PCLO: variants seen among roughly 807,000 people sequenced by gnomAD.
PCLO encodes the protein protein piccolo.
A neutral mutation model predicts 427.5 loss-of-function variants in PCLO; 82 were observed. The observed-to-expected ratio is 0.19, with a 90% CI of 0.16 to 0.23. The LOEUF (loss-of-function observed/expected upper bound fraction) is 0.23, where lower values mean the gene tolerates loss of function less well. PCLO is among the 10% of genes least tolerant of loss of function. The probability of loss-of-function intolerance (pLI) is 1.00; values close to 1 mark genes in which losing one functional copy is unlikely to be tolerated. For missense variants in PCLO, 6,239 were observed against 6,115.9 expected, an observed-to-expected ratio of 1.02 and a Z score of -0.67; for synonymous variants, 2,357 against 2,155.4, an observed-to-expected ratio of 1.09 and a Z score of -2.59.
At position 82,757,843 on chromosome 7, in the gene PCLO, A is replaced by C. The variant is rs1790349899; in HGVS notation, c.*732T>G. The C allele has an allele frequency of 6.6e-6, 1 of 151,950 alleles. No homozygotes were observed. Among genetic ancestry groups the C allele is most frequent in the Non-Finnish European group, 1.5e-5 (1 of 67,916 alleles). 9.4% of individuals were successfully genotyped at this position (151,950 alleles called of 1,614,324 possible). A position where few individuals can be genotyped will look rare whatever the true frequency, so the allele number is the denominator to read the frequency against. The stretch of plus-strand genomic sequence containing the variant: ...CCAGTCATAGTTTTATTTCTAGATA[A>C]ATTCAATTTTATTTCTACTGAGTAT... On this transcript the variant is annotated 3_prime_UTR_variant, in exon 25 of 25. Transcript: ENST00000333891.
intron 2 of PCLO, among the ~76,000 whole-genome samples, chr7:83,142,032 C>G (rs147167224): frequency 1.3e-5 from 2 of 150,822 alleles, no homozygotes; most frequent in Non-Finnish European, 3.0e-5. Flanking sequence ...GGAAGCCCTG[C>G]CCCCCTCCCC....
chr7:83,067,518 T>C (rs796483779), intron 3 of PCLO, among the ~76,000 whole-genome samples: 1 of 152,156 alleles, frequency 6.6e-6, no homozygotes, highest in Non-Finnish European at 1.5e-5. Context: ...AAGAGTACAG[T>C]AGCAAGAGGG....
chr7:82,957,374 G>A (rs1795550950), intron 4 of PCLO, among the ~76,000 whole-genome samples: 1 of 152,120 alleles, frequency 6.6e-6, no homozygotes, highest in African/African-American at 2.4e-5. Context: ...CGGGCTTTGT[G>A]CCTGGCTGCA....
chr7:83,096,849 A>AAAATATATTATATAATATAT (rs1790562258), intron 3 of PCLO, among the ~76,000 whole-genome samples: 5 of 51,804 alleles, frequency 9.7e-5, no homozygotes, highest in East Asian at 1.0e-3. Flanking sequence ...TATAATATAA[A>AAAATATATTATATAATATAT]TATATATAAA....
chr7:82,982,946 T>G (rs1796177587), intron 3 of PCLO, among the ~76,000 whole-genome samples: 1 of 151,742 alleles, frequency 6.6e-6, no homozygotes, highest in African/African-American at 2.4e-5. Context: ...TATAAAGTTT[T>G]TATCTATATT....
chr7:83,124,828 C>T (rs1375412091), intron 3 of PCLO, among the ~76,000 whole-genome samples: 5 of 152,154 alleles, frequency 3.3e-5, no homozygotes, highest in South Asian at 2.1e-4. Context: ...TGTACTGCTG[C>T]GATCTCGGCT....
At chr7:82,932,247 C>T (rs1400838838) in intron 6 of PCLO, among the ~76,000 whole-genome samples, 1 of 152,018 alleles carries the variant, frequency 6.6e-6, no homozygotes, top group Non-Finnish European at 1.5e-5. Context: ...TACATCCTGG[C>T]AAGATGCAGA....
chr7:82,915,871 C>T lies in PCLO; in HGVS notation c.12115G>A (p.Asp4039Asn), dbSNP rs770814417. The change falls in exon 7 of 25, where the codon GAT (aspartate) becomes AAT (asparagine). Residue 4039 changes from aspartate to asparagine, a missense_variant. By Grantham distance (23) the Asp-to-Asn change is conservative (BLOSUM62 1). Transcript: ENST00000333891. ...ISADSFYADI[D>N]HHTPRNYVLI... ...ACATAATTTCGTGGAGTATGGTGAT[C>T]AATATCTGCATAGAAAGAATCTGCA... The T allele has an allele frequency of 7.4e-6, 12 of 1,613,542 alleles. No individual in the cohort carries two copies. The Middle Eastern group carries it at 5.0e-4, about 67-fold the overall frequency.
chr7:82,991,501 TAA>T (rs1796376152), intron 3 of PCLO, among the ~76,000 whole-genome samples: 1 of 152,120 alleles, frequency 6.6e-6, no homozygotes, highest in African/African-American at 2.4e-5. Flanking sequence ...ATGAACCCTA[TAA>T]ATGAAAGTCT....
chr7:83,153,572 C>T (rs1249964897), intron 2 of PCLO, among the ~76,000 whole-genome samples: 1 of 152,166 alleles, frequency 6.6e-6, no homozygotes, highest in Admixed American at 6.5e-5. Context: ...TGCTGTGTTA[C>T]TTCCTGGGCT....
At position 82,796,784 on chromosome 7, in the gene PCLO, A is replaced by G. The variant is rs1306510859; in HGVS notation, c.15007+4734T>C. 1.1e-4 allele frequency among the ~76,000 whole-genome samples: 16 copies of G among 148,340 alleles called. No homozygotes were observed. The Admixed American group carries it at 1.1e-3, about 10-fold the overall frequency. On this transcript the variant is annotated intron_variant, in intron 22 of 24. Coordinates refer to ENST00000333891, the MANE Select transcript of PCLO (RefSeq NM_033026.6). Reference sequence around the variant, plus strand: ...CACACCTGGTTCAGCAAGCATGCTTACTGGCTGCTGATGAAATAGAACCAG... The same window carrying G: ...CACACCTGGTTCAGCAAGCATGCTTGCTGGCTGCTGATGAAATAGAACCAG...
intron 3 of PCLO, among the ~76,000 whole-genome samples, chr7:83,087,413 A>T (rs1449673284): frequency 6.6e-6 from 1 of 151,986 alleles, no homozygotes. Context: ...TATGCAATTC[A>T]TCTGTGTAAC....
intron 9 of PCLO, among the ~76,000 whole-genome samples, chr7:82,884,721 T>C (rs1793589788): frequency 6.6e-6 from 1 of 151,974 alleles, no homozygotes; most frequent in Non-Finnish European, 1.5e-5. Flanking sequence ...AATTGGAAAA[T>C]AGGGTCACTT....
chr7:82,846,204 G>C (rs1412015798), intron 12 of PCLO, among the ~76,000 whole-genome samples: 1 of 152,036 alleles, frequency 6.6e-6, no homozygotes, highest in African/African-American at 2.4e-5. Context: ...ATTCTAAAAA[G>C]AATCAAGTAC....
At position 82,764,117 on chromosome 7, in the gene PCLO, T is replaced by C. The variant is rs145221303; in HGVS notation, c.15008-2624A>G. Among the ~76,000 whole-genome samples the C allele has an allele frequency of 6.7e-3, 1,018 of 151,962 alleles. 7 individuals carry two copies. Among genetic ancestry groups the C allele is most frequent in the Non-Finnish European group, 0.012 (801 of 67,852 alleles). On this transcript the variant is annotated intron_variant, in intron 22 of 24. Transcript: ENST00000333891. ...TGGAAATGTCATATTTATGACAAAG[T>C]ATAAAGTATGAAACTAAAAATTAAT...
Position 82,947,918 on chromosome 7 carries a change from G to T in PCLO, c.11112+1558C>A, listed in dbSNP as rs530432407. 1.2e-4 allele frequency among the ~76,000 whole-genome samples: 18 copies of T among 152,182 alleles called. No homozygotes were observed. The East Asian group carries it at 2.5e-3, about 21-fold the overall frequency. ...GACTCTTTTTTAGCTGAGCTCATTT[G>T]AATTAAGGGTACAGGGATACATATT... is the stretch of plus-strand genomic sequence containing the variant. On this transcript the variant is annotated intron_variant, in intron 6 of 24. Coordinates refer to ENST00000333891, the MANE Select transcript of PCLO (RefSeq NM_033026.6).
In PCLO at chr7:82,953,944, C is replaced by T. The variant is rs370714669; in HGVS notation, c.7009G>A (p.Glu2337Lys). The T allele has an allele frequency of 1.5e-5, 25 of 1,613,726 alleles. No individual in the cohort carries two copies. Among genetic ancestry groups the T allele is most frequent in the Non-Finnish European group, 1.7e-5 (20 of 1,179,844 alleles). The stretch of plus-strand genomic sequence containing the variant: ...GAAGGTGGGTGATCAAACACGGTTT[C>T]GGATAAGCTACTTTTTGTTCGTTCG... Reference protein sequence around the residue: ...EAERTKSSLSETVFDHPPSSV... With the variant: ...EAERTKSSLSKTVFDHPPSSV... Residue 2337 changes from glutamate (E) to lysine (K), a missense_variant, in exon 5 of 25, where the codon GAA becomes AAA. Transcript: ENST00000333891.
chr7:82,959,655 T>A (rs900403431), intron 4 of PCLO, among the ~76,000 whole-genome samples: 1 of 152,108 alleles, frequency 6.6e-6, no homozygotes, highest in Non-Finnish European at 1.5e-5. Context: ...CTTTTCCTTG[T>A]GTTCATGCTT....
chr7:83,115,433 T>A (rs1161217793), intron 3 of PCLO, among the ~76,000 whole-genome samples: 1 of 152,064 alleles, frequency 6.6e-6, no homozygotes, highest in Non-Finnish European at 1.5e-5. Context: ...TAAGTCTAAT[T>A]TTAGGATTTA....
Sources: allele counts gnomAD v4.1 joint callset (sites outside exome capture counted in the v4.1 genomes callset), GRCh38; gene constraint gnomAD v4.1.1; transcripts MANE v1.5; gene names NCBI Gene and HGNC (gene_info 2026-07-23, HGNC 2026-07-21).